Variants in GALNT1 observed in about 807,000 individuals in gnomAD.
The protein encoded by GALNT1 is polypeptide N-acetylgalactosaminyltransferase 1, also known as GalNAc transferase 1.
A neutral mutation model predicts 65.7 loss-of-function variants in GALNT1; 17 were observed. The observed-to-expected ratio is 0.26, with a 90% CI of 0.18 to 0.39. The LOEUF is 0.39. GALNT1 is among the 10% of genes least tolerant of loss of function. The pLI is 1.00. For synonymous variants in GALNT1, 210 were observed against 219.7 expected (o/e 0.96, Z 0.39); for missense variants, 460 against 672.8 (o/e 0.68, Z 3.50).
chr18:35,677,100 T>C (rs1323439284), intron 3 of GALNT1, among the ~76,000 whole-genome samples: 1 of 152,194 alleles, frequency 6.6e-6, no homozygotes, highest in Admixed American at 6.5e-5. Context: ...ATCTGTGAAA[T>C]GTGGCTCCAA....
chr18:35,705,349 G>A (rs1265489713), intron 11 of GALNT1, among the ~76,000 whole-genome samples: 1 of 152,176 alleles, frequency 6.6e-6, no homozygotes, highest in African/African-American at 2.4e-5. Context: ...AGCTGTACTT[G>A]TTTGTAGTTA....
At chr18:35,650,950 A>C (rs1430380729) in intron 1 of GALNT1, among the ~76,000 whole-genome samples, 5 of 152,242 alleles carry the variant, frequency 3.3e-5, no homozygotes, top group Non-Finnish European at 7.3e-5. Context: ...TGATTGGGGA[A>C]GTGATAAGTG....
At chr18:35,673,857 T>C (rs1478659179) in intron 3 of GALNT1, among the ~76,000 whole-genome samples, 1 of 152,246 alleles carries the variant, frequency 6.6e-6, no homozygotes, top group African/African-American at 2.4e-5. Context: ...AGGTATGTTC[T>C]GAGAAATAGG....
At chr18:35,606,697 T>TGTCC (rs758679418) in intron 1 of GALNT1, among the ~76,000 whole-genome samples, 4 of 152,206 alleles carry the variant, frequency 2.6e-5, no homozygotes, top group Non-Finnish European at 5.9e-5. Flanking sequence ...TGCCCATCAC[T>TGTCC]GTCCCTCTTC....
rs35456192 is a variant in GALNT1 at position 35,618,035 on chromosome 18, CT to C, written c.-104+36188del. ...CATCTTTTAAGACTGCTTTGCTGTT[CT>C]TTTTTTTTTTTTTTGATAGCCAAGC... is the stretch of plus-strand genomic sequence containing the variant. On this transcript the variant is annotated intron_variant, in intron 1 of 11. Coordinates refer to ENST00000269195, the MANE Select transcript of GALNT1 (RefSeq NM_020474.4). Among the ~76,000 whole-genome samples, 1,321 of 138,628 alleles carry C rather than the reference CT, an allele frequency of 9.5e-3. 19 individuals carry two copies. Among genetic ancestry groups the C allele is most frequent in the African/African-American group, 0.025 (940 of 38,054 alleles). The allele number at this position is 138,628 out of a possible 152,430, so 90.9% of individuals were successfully genotyped here.
Position 35,709,672 on chromosome 18 carries a change from A to G in GALNT1, c.1582A>G (p.Thr528Ala), listed in dbSNP as rs753015889. Residue 528 changes from threonine to alanine, a missense_variant, in exon 12 of 12, where the codon ACA becomes GCA. Physicochemically the swap from Thr to Ala is moderately conservative, Grantham distance 58. Transcript: ENST00000269195. Reference sequence around the variant, plus strand: ...CAGTAATCAGTGCCTGGATAAAGCCACAGAAGAGGATAGCCAGGTGCCCAG... The same window carrying G: ...CAGTAATCAGTGCCTGGATAAAGCCGCAGAAGAGGATAGCCAGGTGCCCAG... ...VNSNQCLDKA[T>A]EEDSQVPSIR... 6.2e-7 allele frequency: 1 copy of G among 1,614,170 alleles called. No individual in the cohort carries two copies. Among genetic ancestry groups the G allele is most frequent in the Admixed American group, 1.7e-5 (1 of 60,026 alleles).
chr18:35,664,109 T>C (rs976598987), intron 3 of GALNT1: 13 of 329,268 alleles, frequency 3.9e-5, no homozygotes, highest in Non-Finnish European at 6.2e-5. Context: ...TTAAGTTGTA[T>C]GTAACTTGAA....
intron 7 of GALNT1, among the ~76,000 whole-genome samples, chr18:35,690,563 T>G (rs1364239643): frequency 7.2e-5 from 11 of 152,224 alleles, no homozygotes; most frequent in Non-Finnish European, 1.3e-4. Flanking sequence ...GGCCTGCAGT[T>G]AGAAAAATAC....
In GALNT1 at chr18:35,649,064, T is replaced by G. The variant is rs181423368; in HGVS notation, c.-103-5496T>G. On this transcript the variant is annotated intron_variant, in intron 1 of 11. Transcript: ENST00000269195. Reference sequence around the variant, plus strand: ...TGCTATAAAGATGTGCATACAGGGCTGTGTGCAGATATGTTTTCCTTTCTC... The same window carrying G: ...TGCTATAAAGATGTGCATACAGGGCGGTGTGCAGATATGTTTTCCTTTCTC... Among the ~76,000 whole-genome samples the G allele has an allele frequency of 1.8e-4, 28 of 152,348 alleles. No homozygotes were observed. In the East Asian group the frequency reaches 5.0e-3, roughly 27 times the overall value.
At chr18:35,614,847 A>G (rs1388338049) in intron 1 of GALNT1, among the ~76,000 whole-genome samples, 2 of 152,218 alleles carry the variant, frequency 1.3e-5, no homozygotes, top group East Asian at 3.9e-4. Flanking sequence ...TGTAATAAAA[A>G]TATTTCTCAA....
intron 3 of GALNT1, among the ~76,000 whole-genome samples, chr18:35,671,703 T>C (rs2047639188): frequency 6.6e-6 from 1 of 152,216 alleles, no homozygotes; most frequent in Non-Finnish European, 1.5e-5. Flanking sequence ...GGTAAAGTTT[T>C]AGTATTCATG....
intron 3 of GALNT1, among the ~76,000 whole-genome samples, chr18:35,671,483 T>G (rs752573311): frequency 5.6e-4 from 86 of 152,340 alleles, no homozygotes; most frequent in Non-Finnish European, 8.4e-4. Context: ...AGATGACTTT[T>G]GTGTATATTA....
chr18:35,631,881 G>A lies in GALNT1; in HGVS notation c.-103-22679G>A, dbSNP rs200841725. On this transcript the variant is annotated intron_variant, in intron 1 of 11. Transcript: ENST00000269195. ...AAGTCTCAGTATACAAAATCAATGT[G>A]CAAAAATCACAAGCATTCTTATACA... is the stretch of plus-strand genomic sequence containing the variant. 1.3e-4 allele frequency among the ~76,000 whole-genome samples: 20 copies of A among 152,262 alleles called. No individual in the cohort carries two copies. The East Asian group carries it at 3.3e-3, about 25-fold the overall frequency.
chr18:35,590,234 A>C (rs1015706561), intron 1 of GALNT1, among the ~76,000 whole-genome samples: 3 of 152,224 alleles, frequency 2.0e-5, no homozygotes, highest in Non-Finnish European at 4.4e-5. Flanking sequence ...TCTGATTTCA[A>C]GTGATCCATT....
At chr18:35,681,787 G>A (rs559178057) in intron 4 of GALNT1, among the ~76,000 whole-genome samples, 1 of 152,134 alleles carries the variant, frequency 6.6e-6, no homozygotes, top group African/African-American at 2.4e-5. Flanking sequence ...TCCCTTCTAG[G>A]ATTCTCTTGT....
At chr18:35,625,285 A>G (rs1598786972) in intron 1 of GALNT1, among the ~76,000 whole-genome samples, 1 of 152,222 alleles carries the variant, frequency 6.6e-6, no homozygotes, top group African/African-American at 2.4e-5. Flanking sequence ...GGATGTGTAT[A>G]GTGTCAGGGG....
chr18:35,627,332 G>A (rs2046931734), intron 1 of GALNT1: 1 of 152,274 alleles, frequency 6.6e-6, no homozygotes, highest in Non-Finnish European at 1.5e-5. Context: ...CACTCAGGTG[G>A]TAGCTGCCTA....
At chr18:35,627,816 T>G (rs965849839) in intron 1 of GALNT1, among the ~76,000 whole-genome samples, 26 of 152,080 alleles carry the variant, frequency 1.7e-4, no homozygotes, top group Admixed American at 1.4e-3. Context: ...TTCCCTTTCC[T>G]AGCCAAGGGA....
intron 2 of GALNT1, among the ~76,000 whole-genome samples, chr18:35,663,199 G>T (rs1250369723): frequency 6.6e-6 from 1 of 152,156 alleles, no homozygotes; most frequent in African/African-American, 2.4e-5. Flanking sequence ...TTGGAAGGAA[G>T]GCAGTGGGTG....
Sources: allele counts gnomAD v4.1 joint callset (sites outside exome capture counted in the v4.1 genomes callset), GRCh38; gene constraint gnomAD v4.1.1; transcripts MANE v1.5; gene names NCBI Gene and HGNC (gene_info 2026-07-23, HGNC 2026-07-21).